CHCHD3: variants seen among roughly 807,000 people sequenced by gnomAD.
The protein encoded by CHCHD3 is MICOS complex subunit MIC19.
In CHCHD3, 20 loss-of-function variants were observed where a neutral mutation model predicts 38.2. The ratio of observed to expected loss-of-function variants is 0.52; its 90% CI spans 0.37 to 0.76. The LOEUF is 0.76. Ranked by LOEUF, CHCHD3 falls within the 30% of genes least tolerant of loss-of-function variation. CHCHD3 has a pLI of 0.00. For synonymous variants in CHCHD3, 82 were observed against 100.0 expected, an observed-to-expected ratio of 0.82 and a Z score of 1.07; for missense variants, 245 against 279.2, an observed-to-expected ratio of 0.88 and a Z score of 0.87.
intron 4 of CHCHD3, among the ~76,000 whole-genome samples, chr7:132,907,170 G>C (rs888637493): frequency 9.9e-5 from 15 of 152,208 alleles, no homozygotes; most frequent in African/African-American, 3.6e-4. Flanking sequence ...CTCAGTCACT[G>C]AACAAGACAG....
rs200879275 is a variant in CHCHD3 at position 132,796,429 on chromosome 7, C to T, written c.660+13G>A. ...TTGCCCAGTGCCCCCAGTGGCCTGG[C>T]TGGCACACCTACCTGTTTGGCATGA... On this transcript the variant is annotated intron_variant, in intron 7 of 7. Coordinates refer to ENST00000262570, the MANE Select transcript of CHCHD3 (RefSeq NM_017812.4). 2 of 1,613,392 alleles carry T rather than the reference C, an allele frequency of 1.2e-6. No individual in the cohort carries two copies. Among genetic ancestry groups the T allele is most frequent in the East Asian group, 2.2e-5 (1 of 44,854 alleles).
chr7:132,892,912 G>C (rs757851889), intron 4 of CHCHD3, among the ~76,000 whole-genome samples: 4 of 152,246 alleles, frequency 2.6e-5, no homozygotes, highest in Non-Finnish European at 4.4e-5. Context: ...TGGATATCCA[G>C]GCAGAAGTCT....
At chr7:133,072,731 C>G (rs1814860972) in intron 1 of CHCHD3, among the ~76,000 whole-genome samples, 1 of 151,138 alleles carries the variant, frequency 6.6e-6, no homozygotes, top group African/African-American at 2.4e-5. Context: ...CCCAGCTACT[C>G]AGGAGGCTGA....
intron 3 of CHCHD3, among the ~76,000 whole-genome samples, chr7:132,982,570 C>A (rs1811946448): frequency 6.6e-6 from 1 of 152,186 alleles, no homozygotes; most frequent in African/African-American, 2.4e-5. Context: ...CAGGCGAAAG[C>A]CACCACACCC....
intron 4 of CHCHD3, among the ~76,000 whole-genome samples, chr7:132,915,767 T>C (rs564930635): frequency 6.6e-6 from 1 of 152,266 alleles, no homozygotes; most frequent in South Asian, 2.1e-4. Flanking sequence ...ATCCCTGACT[T>C]AGCAGATACA....
At chr7:132,803,070 G>A (rs915647616) in intron 6 of CHCHD3, among the ~76,000 whole-genome samples, 1 of 152,068 alleles carries the variant, frequency 6.6e-6, no homozygotes, top group Non-Finnish European at 1.5e-5. Context: ...CAGTTTTCTA[G>A]CAGCAGTTAT....
At chr7:132,883,235 A>G (rs889903384) in intron 5 of CHCHD3, among the ~76,000 whole-genome samples, 2 of 152,174 alleles carry the variant, frequency 1.3e-5, no homozygotes, top group African/African-American at 4.8e-5. Context: ...GCCATGTACA[A>G]TGCTCTAGGT....
At chr7:132,899,016 G>A (rs931547869) in intron 4 of CHCHD3, among the ~76,000 whole-genome samples, 1 of 152,224 alleles carries the variant, frequency 6.6e-6, no homozygotes, top group Non-Finnish European at 1.5e-5. Context: ...AGCTGAGGGA[G>A]CGGGCTCTGG....
At chr7:133,057,062 C>T (rs573684255) in intron 2 of CHCHD3, among the ~76,000 whole-genome samples, 1 of 152,286 alleles carries the variant, frequency 6.6e-6, no homozygotes, top group South Asian at 2.1e-4. Context: ...AATCACATTA[C>T]ATCACTGCCA....
At chr7:132,838,190 G>C (rs1475106777) in intron 6 of CHCHD3, among the ~76,000 whole-genome samples, 2 of 151,984 alleles carry the variant, frequency 1.3e-5, no homozygotes, top group Non-Finnish European at 2.9e-5. Flanking sequence ...AAAATACATG[G>C]ATTTGTAACA....
intron 4 of CHCHD3, among the ~76,000 whole-genome samples, chr7:132,962,178 T>C (rs1208775982): frequency 6.6e-6 from 1 of 152,172 alleles, no homozygotes; most frequent in Non-Finnish European, 1.5e-5. Flanking sequence ...GCCAAGAAAA[T>C]AGAGGCTTTC....
chr7:132,983,686 G>A (rs980119343), intron 3 of CHCHD3, among the ~76,000 whole-genome samples: 8 of 152,118 alleles, frequency 5.3e-5, no homozygotes, highest in Admixed American at 6.5e-5. Context: ...CATACAAAGT[G>A]TCACTAGTGA....
chr7:132,965,698 G>A (rs56196277), intron 4 of CHCHD3, among the ~76,000 whole-genome samples: 31,376 of 152,088 alleles, frequency 0.21, 3,523 homozygotes, highest in South Asian at 0.25. Context: ...AATGGATGAA[G>A]TTTAATTTCT....
rs1028759069 is a variant in CHCHD3, at chr7:133,016,238, G to A, written c.251+8308C>T. Among the ~76,000 whole-genome samples the A allele has an allele frequency of 2.0e-5, 3 of 152,148 alleles. 1 individual carries two copies. Among genetic ancestry groups the A allele is most frequent in the African/African-American group, 7.2e-5 (3 of 41,422 alleles). On this transcript the variant is annotated intron_variant, in intron 3 of 7. Coordinates refer to ENST00000262570, the MANE Select transcript of CHCHD3 (RefSeq NM_017812.4). ...AGTAGGGGTGTTATATAGTTGAAAT[G>A]AATGAAAATACATAAAATGCTTAGA...
Position 133,070,176 on chromosome 7 carries a change from C to A in CHCHD3, c.135G>T (p.Lys45Asn). 1 of 1,613,040 alleles carries A rather than the reference C, an allele frequency of 6.2e-7. No homozygotes were observed. Among genetic ancestry groups the A allele is most frequent in the Non-Finnish European group, 8.5e-7 (1 of 1,179,920 alleles). The change falls in exon 2 of 8, where the codon AAG (lysine) becomes AAT (asparagine). Residue 45 changes from lysine (K) to asparagine (N), a missense_variant. Coordinates refer to ENST00000262570, the MANE Select transcript of CHCHD3 (RefSeq NM_017812.4). ...CATAAGCACCAGAATACCGCTGAGA[C>A]TTCGAACCAGATGGAGAGGATTCCT... ...RMKESSPSGS[K>N]SQRYSGAYGA...
At chr7:133,042,354 A>G (rs1192250087) in intron 2 of CHCHD3, among the ~76,000 whole-genome samples, 6 of 152,132 alleles carry the variant, frequency 3.9e-5, no homozygotes, top group African/African-American at 1.4e-4. Context: ...TTGAATACTC[A>G]CAAAGACACA....
chr7:133,038,695 C>G (rs935599741), intron 2 of CHCHD3, among the ~76,000 whole-genome samples: 2 of 152,106 alleles, frequency 1.3e-5, no homozygotes, highest in East Asian at 3.8e-4. Context: ...GAAAGGTAAC[C>G]CGGATAGCAT....
chr7:132,978,254 T>G (rs1030576677), intron 3 of CHCHD3, among the ~76,000 whole-genome samples: 1 of 152,090 alleles, frequency 6.6e-6, no homozygotes, highest in Non-Finnish European at 1.5e-5. Flanking sequence ...ATCTCCAAAT[T>G]CACTAACTAC....
At chr7:132,855,900 G>A (rs1223927407) in intron 5 of CHCHD3, among the ~76,000 whole-genome samples, 1 of 150,940 alleles carries the variant, frequency 6.6e-6, no homozygotes, top group Non-Finnish European at 1.5e-5. Context: ...AGAAGAGGGT[G>A]GGTGGGATGG....
Sources: allele counts gnomAD v4.1 joint callset (sites outside exome capture counted in the v4.1 genomes callset), GRCh38; gene constraint gnomAD v4.1.1; transcripts MANE v1.5; gene names NCBI Gene and HGNC (gene_info 2026-07-23, HGNC 2026-07-21).